TBC1D19: variants seen among roughly 807,000 people sequenced by gnomAD.
TBC1D19 encodes the protein TBC1 domain family member 19, also known as TBC1 domain family, member 19.
A neutral mutation model predicts 89.0 loss-of-function variants in TBC1D19; 60 were observed. That is an observed-to-expected ratio of 0.67 (90% CI 0.55 to 0.84). The LOEUF (loss-of-function observed/expected upper bound fraction) is 0.84. TBC1D19 is among the 40% of genes least tolerant of loss of function. The probability of loss-of-function intolerance (pLI) is 0.00; values close to 1 mark genes in which losing one functional copy is unlikely to be tolerated. For missense variants in TBC1D19, 500 were observed against 610.8 expected, an observed-to-expected ratio of 0.82 and a Z score of 1.91; for synonymous variants, 189 against 199.7, an observed-to-expected ratio of 0.95 and a Z score of 0.45.
intron 18 of TBC1D19, among the ~76,000 whole-genome samples, chr4:26,745,320 T>C (rs1459937543): frequency 1.3e-5 from 2 of 151,914 alleles, no homozygotes; most frequent in Non-Finnish European, 2.9e-5. Flanking sequence ...ATTATTGAAT[T>C]GGAATCAACT....
intron 18 of TBC1D19, among the ~76,000 whole-genome samples, chr4:26,745,428 C>T (rs1042496188): frequency 8.3e-5 from 12 of 145,080 alleles, no homozygotes; most frequent in African/African-American, 2.8e-4. Context: ...TCCATTTTAT[C>T]TCCACTATTA....
the TBC1D19 span, among the ~76,000 whole-genome samples, chr4:26,794,305 A>G: frequency 6.6e-6 from 1 of 152,214 alleles, no homozygotes; most frequent in Non-Finnish European, 1.5e-5. Context: ...AGGAGAAATT[A>G]TAAGGTGAAA....
intron 7 of TBC1D19, among the ~76,000 whole-genome samples, chr4:26,643,916 A>G (rs914560015): frequency 6.6e-6 from 1 of 151,960 alleles, no homozygotes; most frequent in African/African-American, 2.4e-5. Context: ...AGGCTCTGAA[A>G]TTGAGGCAAT....
At chr4:26,610,360 A>G (rs1440878376) in intron 1 of TBC1D19, among the ~76,000 whole-genome samples, 1 of 151,576 alleles carries the variant, frequency 6.6e-6, no homozygotes, top group East Asian at 1.9e-4. Context: ...TCCCAATCAC[A>G]AACCCCTCCG....
At chr4:26,769,948 A>T in the TBC1D19 span, among the ~76,000 whole-genome samples, 1 of 152,134 alleles carries the variant, frequency 6.6e-6, no homozygotes, top group African/African-American at 2.4e-5. Flanking sequence ...CAACCACTAA[A>T]ATAAAAGAAC....
At chr4:26,692,191 G>C (rs536724451) in intron 13 of TBC1D19, among the ~76,000 whole-genome samples, 1 of 152,120 alleles carries the variant, frequency 6.6e-6, no homozygotes, top group Admixed American at 6.6e-5. Flanking sequence ...TCTAGTTGAC[G>C]GTTACAATAT....
chr4:26,826,726 C>T, the TBC1D19 span, among the ~76,000 whole-genome samples: 1 of 152,104 alleles, frequency 6.6e-6, no homozygotes, highest in Admixed American at 6.5e-5. Flanking sequence ...TAACTGTTGG[C>T]GAGCAGGAAA....
intron 12 of TBC1D19, among the ~76,000 whole-genome samples, chr4:26,684,039 C>G (rs1448784139): frequency 6.6e-6 from 1 of 152,052 alleles, no homozygotes; most frequent in Non-Finnish European, 1.5e-5. Flanking sequence ...CTACACAAAC[C>G]AAGTAAAAAG....
chr4:26,626,849 T>C (rs1014119441), intron 4 of TBC1D19, among the ~76,000 whole-genome samples: 1 of 149,064 alleles, frequency 6.7e-6, no homozygotes, highest in African/African-American at 2.4e-5. Flanking sequence ...ATTTATTTTA[T>C]TTTTTATTTT....
chr4:26,760,027 G>A (rs367986026), downstream of TBC1D19, among the ~76,000 whole-genome samples: 2 of 152,104 alleles, frequency 1.3e-5, no homozygotes, highest in South Asian at 2.1e-4. Context: ...TTAGAAGGAG[G>A]CCTCCAAACT....
chr4:26,717,039 G>A (rs771137329), intron 13 of TBC1D19, among the ~76,000 whole-genome samples: 1 of 152,084 alleles, frequency 6.6e-6, no homozygotes, highest in Non-Finnish European at 1.5e-5. Context: ...TGGTTGATAT[G>A]CATTCCACCA....
At chr4:26,722,808 C>T (rs1285797531) in intron 15 of TBC1D19, among the ~76,000 whole-genome samples, 1 of 152,166 alleles carries the variant, frequency 6.6e-6, no homozygotes, top group Non-Finnish European at 1.5e-5. Flanking sequence ...TTAGTCCTTA[C>T]AAGAACCTAT....
At chr4:26,836,001 C>CTCTT in the TBC1D19 span, among the ~76,000 whole-genome samples, 770 of 151,426 alleles carry the variant, frequency 5.1e-3, 7 homozygotes, top group African/African-American at 0.018. Flanking sequence ...CTCTCTCTCT[C>CTCTT]TCTCTATCAC....
At chr4:26,697,172 G>A (rs71223687) in intron 13 of TBC1D19, among the ~76,000 whole-genome samples, 271 of 152,138 alleles carry the variant, frequency 1.8e-3, no homozygotes, top group African/African-American at 6.2e-3. Context: ...TGATAAAGGG[G>A]ATGTCACCAC....
chr4:26,729,254 T>C (rs1298943915), intron 15 of TBC1D19, among the ~76,000 whole-genome samples: 1 of 152,214 alleles, frequency 6.6e-6, no homozygotes, highest in Non-Finnish European at 1.5e-5. Context: ...AGCCCACAAT[T>C]GAACTTTGAT....
intron 15 of TBC1D19, 89 bp downstream of exon 15, chr4:26,720,214 G>T: frequency 1.1e-6 from 1 of 926,364 alleles, no homozygotes; most frequent in Non-Finnish European, 1.6e-6. Context: ...TCTCTTTAAT[G>T]GATAATCATT....
the TBC1D19 span, among the ~76,000 whole-genome samples, chr4:26,786,793 ATGGG>A: frequency 6.7e-6 from 1 of 148,366 alleles, no homozygotes; most frequent in African/African-American, 2.5e-5. Context: ...GGATGGATGG[ATGGG>A]TGGGTGGAAG....
intron 8 of TBC1D19, among the ~76,000 whole-genome samples, chr4:26,665,532 C>G (rs189082926): frequency 6.6e-6 from 1 of 151,644 alleles, no homozygotes; most frequent in Non-Finnish European, 1.5e-5. Context: ...TTAGACATTA[C>G]TAGATAAGTA....
At chr4:26,650,810 T>A (rs1744309528) in intron 7 of TBC1D19, among the ~76,000 whole-genome samples, 1 of 152,224 alleles carries the variant, frequency 6.6e-6, no homozygotes, top group Non-Finnish European at 1.5e-5. Flanking sequence ...CTGAATGGTA[T>A]TACCTAGGTT....
Sources: allele counts gnomAD v4.1 joint callset (sites outside exome capture counted in the v4.1 genomes callset), GRCh38; gene constraint gnomAD v4.1.1; transcripts MANE v1.5; gene names NCBI Gene and HGNC (gene_info 2026-07-23, HGNC 2026-07-21).